CLSTN1: variants seen among roughly 807,000 people sequenced by gnomAD.
CLSTN1 encodes the protein calsyntenin 1.
In CLSTN1, 28 loss-of-function variants were observed where a neutral mutation model predicts 108.3. The ratio of observed to expected loss-of-function variants is 0.26; its 90% CI spans 0.19 to 0.35. The LOEUF is 0.35. Ranked by LOEUF, CLSTN1 falls within the 10% of genes least tolerant of loss-of-function variation. The pLI, the probability that CLSTN1 is intolerant of heterozygous loss-of-function variation, is 1.00. For synonymous variants in CLSTN1, 524 were observed against 534.9 expected (o/e 0.98, Z 0.28); for missense variants, 1,157 against 1,302.6 (o/e 0.89, Z 1.72).
intron 17 of CLSTN1, 140 bp downstream of exon 17, chr1:9,731,621 T>C: frequency 1.0e-6 from 1 of 977,026 alleles, no homozygotes; most frequent in Non-Finnish European, 1.6e-6. Context: ...AGGGCTTTAG[T>C]TTCCTTGTGT....
intron 1 of CLSTN1, among the ~76,000 whole-genome samples, chr1:9,792,634 CTACGG>C (rs888217584): frequency 2.0e-5 from 3 of 151,408 alleles, no homozygotes; most frequent in African/African-American, 7.2e-5. Context: ...ATGCCCTTGG[CTACGG>C]TATCCCTGGA....
At chr1:9,798,495 C>T (rs1187937885) in intron 1 of CLSTN1, among the ~76,000 whole-genome samples, 1 of 152,172 alleles carries the variant, frequency 6.6e-6, no homozygotes, top group Non-Finnish European at 1.5e-5. Context: ...TAAAAGGTCA[C>T]GTATCACATG....
chr1:9,751,826 G>T, intron 4 of CLSTN1, 145 bp from the exon 5 acceptor site: 1 of 672,240 alleles, frequency 1.5e-6, no homozygotes, highest in Non-Finnish European at 2.5e-6. Context: ...TTCATATGAT[G>T]AAGTCAAAAA....
intron 2 of CLSTN1, among the ~76,000 whole-genome samples, chr1:9,757,140 T>C (rs1471854657): frequency 6.6e-6 from 1 of 152,048 alleles, no homozygotes; most frequent in Non-Finnish European, 1.5e-5. Context: ...ATTTGTTATT[T>C]TGCAGTTTTC....
At chr1:9,741,348 T>C in intron 9 of CLSTN1, 92 bp from the exon 10 acceptor site, 1 of 1,244,326 alleles carries the variant, frequency 8.0e-7, no homozygotes, top group Non-Finnish European at 1.1e-6. Context: ...CACAAGGGTC[T>C]TCCTAGGAGG....
At chr1:9,780,864 G>T in intron 1 of CLSTN1, 1 of 270,530 alleles carries the variant, frequency 3.7e-6, no homozygotes, top group South Asian at 8.3e-5. Context: ...GAGTAGCCGT[G>T]GCAGCGAATC....
chr1:9,732,057 T>G (rs1650432307), intron 16 of CLSTN1, among the ~76,000 whole-genome samples, 161 bp from the exon 17 acceptor site: 1 of 131,532 alleles, frequency 7.6e-6, no homozygotes. Context: ...GAAAAAAAAA[T>G]CAAGAGTAAG....
rs1283682956 is a variant in CLSTN1 at position 9,731,869 on chromosome 1, T to C, written c.2455A>G (p.Met819Val). 1 of 1,614,052 alleles carries C rather than the reference T, an allele frequency of 6.2e-7. No individual in the cohort carries two copies. The highest frequency in any genetic ancestry group is 8.5e-7 in the Non-Finnish European group (1 of 1,179,988). Residue 819 changes from methionine (M) to valine (V), a missense_variant, in exon 17 of 19, where the codon ATG (methionine) becomes GTG (valine). Transcript: ENST00000377298. The part of the protein sequence containing the change: ...EVNVIHTANP[M>V]EHANHMAAQP... The stretch of plus-strand genomic sequence containing the variant: ...GCAGCCATGTGGTTGGCGTGTTCCA[T>C]GGGGTTGGCCGTGTGGATTACATTC...
intron 1 of CLSTN1, among the ~76,000 whole-genome samples, chr1:9,808,525 C>G (rs1466388243): frequency 6.6e-6 from 1 of 152,100 alleles, no homozygotes; most frequent in Non-Finnish European, 1.5e-5. Flanking sequence ...CTTTCCAAAT[C>G]AGAAATGGCT....
In CLSTN1 at chr1:9,762,698, C is replaced by T. The variant is rs184889402; in HGVS notation, c.215-6188G>A. Among the ~76,000 whole-genome samples the T allele has an allele frequency of 5.1e-3, 744 of 147,310 alleles. 9 individuals carry two copies. Among genetic ancestry groups the T allele is most frequent in the African/African-American group, 0.018 (716 of 39,046 alleles). On this transcript the variant is annotated intron_variant, in intron 2 of 18. Coordinates refer to ENST00000377298, the MANE Select transcript of CLSTN1 (RefSeq NM_001009566.3). ...TGCCAAGCAGCGACTATCCACTTCT[C>T]CCCGCTGCACTCGGCCTTGGTGCCC...
intron 1 of CLSTN1, among the ~76,000 whole-genome samples, chr1:9,803,207 A>G (rs1654359825): frequency 1.3e-5 from 2 of 152,198 alleles, no homozygotes; most frequent in African/African-American, 4.8e-5. Flanking sequence ...CAGATTCTAA[A>G]AGCAAAGGAT....
At chr1:9,735,793 A>G in intron 12 of CLSTN1, 92 bp downstream of exon 12, 1 of 1,533,092 alleles carries the variant, frequency 6.5e-7, no homozygotes, top group Non-Finnish European at 8.9e-7. Context: ...AAACGTATCA[A>G]TCACAGATTA....
Position 9,749,590 on chromosome 1 carries a change from T to C in CLSTN1, c.856A>G (p.Asn286Asp), listed in dbSNP as rs1651450002. The change falls in exon 7 of 19, where the codon AAT becomes GAT. Residue 286 changes from asparagine to aspartate, a missense_variant. Physicochemically the swap from Asn to Asp is conservative, Grantham distance 23. Transcript: ENST00000377298. ...PGTGALAVFP[N>D]IHLETCDEPV... ...TCGTCACATGTCTCCAGGTGGATAT[T>C]TGGAAAGACGGCCAACGCGCCGGTG... The C allele has an allele frequency of 3.1e-6, 5 of 1,614,186 alleles. No individual in the cohort carries two copies. The highest frequency in any genetic ancestry group is 3.3e-4 in the Middle Eastern group (2 of 6,062).
intron 1 of CLSTN1, among the ~76,000 whole-genome samples, chr1:9,793,162 G>A (rs1415434868): frequency 3.3e-5 from 5 of 151,152 alleles, no homozygotes; most frequent in Non-Finnish European, 7.4e-5. Flanking sequence ...ATAAGCACGC[G>A]CCACCACACC....
intron 1 of CLSTN1, among the ~76,000 whole-genome samples, chr1:9,812,086 G>C (rs538791812): frequency 6.6e-6 from 1 of 152,058 alleles, no homozygotes; most frequent in Non-Finnish European, 1.5e-5. Context: ...GCAGTGAGCC[G>C]AGATCGCACC....
chr1:9,740,836 C>T (rs143303438), intron 10 of CLSTN1, among the ~76,000 whole-genome samples: 22 of 152,312 alleles, frequency 1.4e-4, no homozygotes, highest in Admixed American at 3.9e-4. Flanking sequence ...CTCTGTGGAA[C>T]GCTCCCTCTT....
At chr1:9,774,730 CG>C (rs924183308) in intron 1 of CLSTN1, among the ~76,000 whole-genome samples, 1 of 151,412 alleles carries the variant, frequency 6.6e-6, no homozygotes, top group African/African-American at 2.4e-5. Context: ...AGTAAGAATT[CG>C]GGGCAAGTCC....
chr1:9,737,211 C>G (rs541783067), intron 11 of CLSTN1, among the ~76,000 whole-genome samples: 24 of 152,070 alleles, frequency 1.6e-4, no homozygotes, highest in African/African-American at 5.6e-4. Context: ...GCCTGTAAGA[C>G]TGAAAAAGCA....
intron 1 of CLSTN1, among the ~76,000 whole-genome samples, chr1:9,793,493 C>T (rs779333354): frequency 6.6e-6 from 1 of 151,460 alleles, no homozygotes; most frequent in African/African-American, 2.4e-5. Flanking sequence ...TCTGACCTGG[C>T]GCTGACAGGT....
Sources: gnomAD v4.1 joint callset for allele counts (sites outside exome capture counted in the v4.1 genomes callset) on GRCh38, gnomAD v4.1.1 for gene constraint, MANE v1.5 for transcripts, NCBI Gene and HGNC (gene_info 2026-07-23, HGNC 2026-07-21) for gene names.